The following RRAGD variants were observed in gnomAD, a reference collection of about 807,000 sequenced individuals.
The protein encoded by RRAGD is ras-related GTP-binding protein D.
In RRAGD, 12 loss-of-function variants were observed where a neutral mutation model predicts 35.5. The observed-to-expected ratio is 0.34, with a 90% CI of 0.22 to 0.55. The LOEUF is 0.55. RRAGD is among the 20% of genes least tolerant of loss of function. RRAGD has a pLI of 0.91. For missense variants in RRAGD, 324 were observed against 490.1 expected, an observed-to-expected ratio of 0.66 and a Z score of 3.20; for synonymous variants, 155 against 178.9, an observed-to-expected ratio of 0.87 and a Z score of 1.07.
chr6:89,372,528 C>CTA lies in RRAGD; in HGVS notation c.959_960insTA (p.Lys320AsnfsTer11). 6.2e-7 allele frequency: 1 copy of CTA among 1,600,974 alleles called. No homozygotes were observed. The highest frequency in any genetic ancestry group is 8.5e-7 in the Non-Finnish European group (1 of 1,175,222). ...AATAAAGCACGGTTGTATTATTAAG[C>CTA]TTTATGATGGCTGTGGATTCCTTGT... On this transcript the variant is annotated frameshift_variant, in exon 6 of 7. Coordinates refer to ENST00000369415, the MANE Select transcript of RRAGD (RefSeq NM_021244.5). LOFTEE classifies it high-confidence loss of function.
At chr6:89,377,926 G>A (rs1394793879) in intron 4 of RRAGD, 113 bp from the exon 5 acceptor site, 17 of 773,686 alleles carry the variant, frequency 2.2e-5, no homozygotes, top group South Asian at 1.0e-4. Context: ...AGCAAAACTC[G>A]CTACTAAAAA....
At chr6:89,392,507 T>G (rs1366855355) in intron 1 of RRAGD, among the ~76,000 whole-genome samples, 1 of 150,650 alleles carries the variant, frequency 6.6e-6, no homozygotes. Flanking sequence ...ATATAAAATA[T>G]AGAGATGTAT....
At chr6:89,380,455 G>A in intron 2 of RRAGD, 88 bp from the exon 3 acceptor site, 1 of 1,102,658 alleles carries the variant, frequency 9.1e-7, no homozygotes, top group Non-Finnish European at 1.3e-6. Context: ...CCATGTGGCT[G>A]CAACCCCCCG....
intron 4 of RRAGD, among the ~76,000 whole-genome samples, chr6:89,378,119 C>T (rs1768977940): frequency 6.6e-6 from 1 of 152,112 alleles, no homozygotes; most frequent in Non-Finnish European, 1.5e-5. Context: ...GCCTGACCAA[C>T]CGGGAGAAAC....
chr6:89,379,366 G>A (rs747988046), intron 3 of RRAGD, 28 bp from the exon 4 acceptor site: 29 of 1,252,358 alleles, frequency 2.3e-5, no homozygotes, highest in Non-Finnish European at 3.1e-5. Context: ...ATTTCATCAT[G>A]TTTTCCCTTT....
chr6:89,403,948 G>A (rs1400564452), intron 1 of RRAGD, among the ~76,000 whole-genome samples: 4 of 152,164 alleles, frequency 2.6e-5, no homozygotes, highest in Non-Finnish European at 2.9e-5. Flanking sequence ...ATTAGCCACT[G>A]AGCCTGGCAA....
intron 1 of RRAGD, among the ~76,000 whole-genome samples, chr6:89,400,504 C>A (rs1263405719): frequency 6.6e-6 from 1 of 151,960 alleles, no homozygotes; most frequent in Non-Finnish European, 1.5e-5. Context: ...ACCCTCTCCT[C>A]AAGTACCTCC....
chr6:89,382,427 T>TATATATATATATATATA (rs1769060559), intron 2 of RRAGD, among the ~76,000 whole-genome samples: 1 of 91,526 alleles, frequency 1.1e-5, no homozygotes, highest in African/African-American at 5.9e-5. Context: ...ATATATGTAA[T>TATATATATATATATATA]TAACCAGACT....
chr6:89,401,085 A>G (rs1211249619), intron 1 of RRAGD, among the ~76,000 whole-genome samples: 1 of 152,156 alleles, frequency 6.6e-6, no homozygotes, highest in Non-Finnish European at 1.5e-5. Flanking sequence ...CTAGGCACTG[A>G]GAGAGGCTCC....
intron 1 of RRAGD, among the ~76,000 whole-genome samples, chr6:89,389,006 A>G (rs1769183906): frequency 6.6e-6 from 1 of 152,158 alleles, no homozygotes; most frequent in Non-Finnish European, 1.5e-5. Flanking sequence ...AATGCGAGCA[A>G]TGGGGAGTGG....
intron 1 of RRAGD, among the ~76,000 whole-genome samples, chr6:89,410,039 C>G (rs1021402131): frequency 2.0e-5 from 3 of 152,236 alleles, no homozygotes; most frequent in African/African-American, 7.2e-5. Flanking sequence ...ACGTTAACAG[C>G]TAAGGAGCCT....
intron 1 of RRAGD, among the ~76,000 whole-genome samples, chr6:89,389,279 G>A (rs748843278): frequency 8.5e-5 from 13 of 152,166 alleles, no homozygotes; most frequent in Non-Finnish European, 1.5e-4. Flanking sequence ...TTGGTGGGCC[G>A]GGCGCATGGC....
intron 2 of RRAGD, among the ~76,000 whole-genome samples, chr6:89,382,859 G>C (rs1769071762): frequency 6.6e-6 from 1 of 151,698 alleles, no homozygotes; most frequent in African/African-American, 2.4e-5. Flanking sequence ...CTGGGCAACA[G>C]AGCAAGACTC....
At position 89,387,285 on chromosome 6, in the gene RRAGD, T is replaced by C. The variant is rs1037167556; in HGVS notation, c.444+10A>G. 6.2e-7 allele frequency: 1 copy of C among 1,608,410 alleles called. No homozygotes were observed. Among genetic ancestry groups the C allele is most frequent in the African/African-American group, 1.3e-5 (1 of 74,814 alleles). ...CCAGGCCATCATACCCCTGAGACTC[T>C]GAGCTTTACCTGTGAGTCAATGACA... On this transcript the variant is annotated intron_variant, in intron 2 of 6. Coordinates refer to ENST00000369415, the MANE Select transcript of RRAGD (RefSeq NM_021244.5).
chr6:89,374,801 C>T (rs1487777944), intron 5 of RRAGD, among the ~76,000 whole-genome samples: 1 of 151,746 alleles, frequency 6.6e-6, no homozygotes, highest in East Asian at 1.9e-4. Context: ...TCACTATAAC[C>T]TACCAAAACA....
chr6:89,387,767 C>T lies in RRAGD; in HGVS notation c.149-177G>A, dbSNP rs532328480. ...AGTCTTGCTGACTTCACAACCTTAACACTTAACCGCTGGTCTATACTTCCC... is the reference window on the plus strand; with the variant it reads ...AGTCTTGCTGACTTCACAACCTTAATACTTAACCGCTGGTCTATACTTCCC... On this transcript the variant is annotated intron_variant, in intron 1 of 6. Transcript: ENST00000369415. Among the ~76,000 whole-genome samples, 5 of 152,256 alleles carry T rather than the reference C, an allele frequency of 3.3e-5. No homozygotes were observed. In the South Asian group the frequency reaches 1.0e-3, roughly 32 times the overall value.
intron 1 of RRAGD, among the ~76,000 whole-genome samples, chr6:89,394,780 G>A (rs775953511): frequency 1.9e-4 from 29 of 151,894 alleles, no homozygotes; most frequent in Non-Finnish European, 3.8e-4. Flanking sequence ...ATTTTAAAAC[G>A]GTCCAGAAGG....
In RRAGD at chr6:89,365,397, T is replaced by C. The variant is rs1381199803; in HGVS notation, c.*2659A>G. The C allele has an allele frequency of 6.6e-6, 1 of 152,224 alleles. No individual in the cohort carries two copies. The highest frequency in any genetic ancestry group is 1.5e-5 in the Non-Finnish European group (1 of 68,042). 9.4% of individuals were successfully genotyped at this position (152,224 alleles called of 1,614,324 possible). On this transcript the variant is annotated 3_prime_UTR_variant, in exon 7 of 7. Coordinates refer to ENST00000369415, the MANE Select transcript of RRAGD (RefSeq NM_021244.5). The stretch of plus-strand genomic sequence containing the variant: ...TTCCAGTGCAGTTGCTGTAGCCATG[T>C]ATTTAGGATTTGTATTTATAGAATT...
In RRAGD at chr6:89,393,520, T is replaced by C. The variant is rs560301064; in HGVS notation, c.149-5930A>G. ...AGGTTGGGCATGAGAAGGAAGGCAGTGCCCCCAGTGCTAGTGATGCCCAGA... is the reference window on the plus strand; with the variant it reads ...AGGTTGGGCATGAGAAGGAAGGCAGCGCCCCCAGTGCTAGTGATGCCCAGA... On this transcript the variant is annotated intron_variant, in intron 1 of 6. Transcript: ENST00000369415. Among the ~76,000 whole-genome samples, 26 of 152,296 alleles carry C rather than the reference T, an allele frequency of 1.7e-4. 1 individual carries two copies. In the South Asian group the frequency reaches 5.0e-3, roughly 29 times the overall value.
Sources: allele counts gnomAD v4.1 joint callset (sites outside exome capture counted in the v4.1 genomes callset), GRCh38; gene constraint gnomAD v4.1.1; transcripts MANE v1.5; gene names NCBI Gene and HGNC (gene_info 2026-07-23, HGNC 2026-07-21).